Variants in DYNC2I1 observed in about 807,000 individuals in gnomAD.
The protein encoded by DYNC2I1 is cytoplasmic dynein 2 intermediate chain 1.
A neutral mutation model predicts 133.4 loss-of-function variants in DYNC2I1; 89 were observed. The ratio of observed to expected loss-of-function variants is 0.67; its 90% CI spans 0.56 to 0.80. The LOEUF (loss-of-function observed/expected upper bound fraction) is 0.80, where lower values mean the gene tolerates loss of function less well. Ranked by LOEUF, DYNC2I1 falls within the 30% of genes least tolerant of loss-of-function variation. DYNC2I1 has a pLI of 0.00. For synonymous variants in DYNC2I1, 504 were observed against 484.3 expected, an observed-to-expected ratio of 1.04 and a Z score of -0.54; for missense variants, 1,291 against 1,314.5, an observed-to-expected ratio of 0.98 and a Z score of 0.28.
At chr7:158,896,726 G>A (rs1047922510) in intron 8 of DYNC2I1, among the ~76,000 whole-genome samples, 1 of 152,102 alleles carries the variant, frequency 6.6e-6, no homozygotes, top group African/African-American at 2.4e-5. Flanking sequence ...TACTGCCTTG[G>A]CCTCCCAGAG....
chr7:158,910,000 C>G (rs1196549206), intron 11 of DYNC2I1, among the ~76,000 whole-genome samples: 1 of 152,076 alleles, frequency 6.6e-6, no homozygotes, highest in African/African-American at 2.4e-5. Context: ...GCCGAGGCAC[C>G]TGGATGTTGG....
intron 21 of DYNC2I1, among the ~76,000 whole-genome samples, chr7:158,932,556 C>G (rs1850328735): frequency 6.6e-6 from 1 of 151,662 alleles, no homozygotes; most frequent in Non-Finnish European, 1.5e-5. Flanking sequence ...CCTAACGAGT[C>G]TGTCTGCCGT....
rs537240153 is a variant in DYNC2I1, at chr7:158,913,003, G to A, written c.1609G>A (p.Glu537Lys). ...TTTTAAGGCATATGTTCAGTGTAAC[G>A]AAGATAATGTTGAAAGAGACATTCA... ...NTKQAYVQCN[E>K]DNVERDIQTE... The change falls in exon 13 of 25, where the codon GAA becomes AAA. Residue 537 changes from glutamate (E) to lysine (K), a missense_variant. Coordinates refer to ENST00000407559, the MANE Select transcript of DYNC2I1 (RefSeq NM_018051.5). 74 of 1,612,076 alleles carry A rather than the reference G, an allele frequency of 4.6e-5. No individual in the cohort carries two copies. Among genetic ancestry groups the A allele is most frequent in the Non-Finnish European group, 6.1e-5 (72 of 1,179,098 alleles).
chr7:158,861,423 C>G (rs1841858280), intron 1 of DYNC2I1, among the ~76,000 whole-genome samples: 1 of 152,188 alleles, frequency 6.6e-6, no homozygotes, highest in African/African-American at 2.4e-5. Context: ...CACCTCAGTG[C>G]AAACAGAAAT....
chr7:158,852,648 A>T (rs7802678), upstream of DYNC2I1, among the ~76,000 whole-genome samples: 21,206 of 152,070 alleles, frequency 0.14, 1,797 homozygotes, highest in Middle Eastern at 0.22. Flanking sequence ...CTGAGGCAGG[A>T]GAATTGCTTG....
Position 158,902,462 on chromosome 7 carries a change from TC to T in DYNC2I1, c.1226del (p.Pro409LeufsTer2). 1.2e-6 allele frequency: 2 copies of T among 1,613,902 alleles called. No individual in the cohort carries two copies. The highest frequency in any genetic ancestry group is 1.7e-6 in the Non-Finnish European group (2 of 1,179,866). ...PESREKLEELPLAQKKEIQEI... is the reference protein window; with the variant it reads ...PESREKLEELXLAQKKEIQEI... Reference sequence around the variant, plus strand: ...AGTCAAGAGAAAAACTGGAAGAACTTCCTCTAGCTCAAAAAAAGGAAATACA... The same window carrying T: ...AGTCAAGAGAAAAACTGGAAGAACTTCTCTAGCTCAAAAAAAGGAAATACA... On this transcript the variant is annotated frameshift_variant, in exon 10 of 25. Coordinates refer to ENST00000407559, the MANE Select transcript of DYNC2I1 (RefSeq NM_018051.5). LOFTEE classifies it high-confidence loss of function.
chr7:158,859,098 C>A (rs564287954), intron 1 of DYNC2I1, among the ~76,000 whole-genome samples: 12 of 147,560 alleles, frequency 8.1e-5, no homozygotes, highest in African/African-American at 3.0e-4. Context: ...CAGGCTCAAG[C>A]AACGCTCTTG....
downstream of DYNC2I1, among the ~76,000 whole-genome samples, chr7:158,947,768 G>C (rs545959662): frequency 3.0e-4 from 45 of 152,350 alleles, 1 homozygote; most frequent in South Asian, 9.1e-3. Flanking sequence ...AGGAGGTGCA[G>C]CCTCACGGAG....
intron 15 of DYNC2I1, among the ~76,000 whole-genome samples, chr7:158,920,192 C>T (rs930150393): frequency 4.0e-5 from 6 of 150,556 alleles, no homozygotes; most frequent in Admixed American, 6.6e-5. Flanking sequence ...TGGCCTCCGT[C>T]GGGGAACACG....
At chr7:158,842,470 CTGAG>C in the DYNC2I1 span, among the ~76,000 whole-genome samples, 1 of 152,246 alleles carries the variant, frequency 6.6e-6, no homozygotes, top group South Asian at 2.1e-4. Flanking sequence ...ACCTGCTTCT[CTGAG>C]TGACCTTGGG....
chr7:158,886,200 G>A (rs1013684905), intron 6 of DYNC2I1, among the ~76,000 whole-genome samples: 7 of 151,768 alleles, frequency 4.6e-5, no homozygotes, highest in African/African-American at 7.3e-5. Flanking sequence ...GCATGATCTC[G>A]GCCCACTGTA....
intron 1 of DYNC2I1, among the ~76,000 whole-genome samples, chr7:158,868,130 C>G (rs1427121402): frequency 6.6e-6 from 1 of 152,044 alleles, no homozygotes; most frequent in Non-Finnish European, 1.5e-5. Context: ...TAGAATCTGG[C>G]CCACGTTCGA....
chr7:158,951,243 G>A (rs1397619300), intron 4 of DYNC2I1, among the ~76,000 whole-genome samples: 1 of 152,238 alleles, frequency 6.6e-6, no homozygotes, highest in Non-Finnish European at 1.5e-5. Context: ...GGACAGTAGA[G>A]AGGGAGGTAA....
At chr7:158,862,880 T>G (rs1340160403) in intron 1 of DYNC2I1, among the ~76,000 whole-genome samples, 1 of 152,032 alleles carries the variant, frequency 6.6e-6, no homozygotes, top group African/African-American at 2.4e-5. Context: ...GCGACAGACC[T>G]TCGCAGTGAG....
chr7:158,929,375 C>T (rs756452120), intron 20 of DYNC2I1, among the ~76,000 whole-genome samples: 3 of 152,220 alleles, frequency 2.0e-5, no homozygotes, highest in Admixed American at 6.5e-5. Context: ...GGAGCGGAGG[C>T]GCAGTGGGAA....
downstream of DYNC2I1, among the ~76,000 whole-genome samples, chr7:158,948,520 G>A (rs1439662644): frequency 1.3e-5 from 2 of 152,210 alleles, no homozygotes; most frequent in Admixed American, 1.3e-4. Context: ...CTTGAGGACG[G>A]AGGCACTTCT....
chr7:158,917,633 A>C (rs1585160646), intron 14 of DYNC2I1, among the ~76,000 whole-genome samples: 1 of 133,348 alleles, frequency 7.5e-6, no homozygotes, highest in Non-Finnish European at 1.6e-5. Flanking sequence ...TGTCCTCCAC[A>C]CTCCACCCTC....
intron 24 of DYNC2I1, among the ~76,000 whole-genome samples, chr7:158,943,477 G>A (rs559610664): frequency 2.5e-4 from 38 of 152,308 alleles, no homozygotes; most frequent in East Asian, 7.7e-4. Flanking sequence ...GGTCACGAGC[G>A]TGGGTCAGGG....
At chr7:158,854,436 G>A (rs1841120284), upstream of DYNC2I1, among the ~76,000 whole-genome samples, 1 of 150,840 alleles carries the variant, frequency 6.6e-6, no homozygotes, top group Non-Finnish European at 1.5e-5. Flanking sequence ...TCACTCATAA[G>A]TGGGAGTTGA....
Sources: allele counts gnomAD v4.1 joint callset (sites outside exome capture counted in the v4.1 genomes callset), GRCh38; gene constraint gnomAD v4.1.1; transcripts MANE v1.5; gene names NCBI Gene and HGNC (gene_info 2026-07-23, HGNC 2026-07-21).